The following RBM7 variants were observed in gnomAD, a reference collection of about 807,000 sequenced individuals.
RBM7 encodes RNA binding motif protein 7.
Under a neutral mutation model 31.0 loss-of-function variants are expected in RBM7, and 13 were observed. The observed-to-expected ratio is 0.42, with a 90% CI of 0.27 to 0.67. RBM7 has a LOEUF of 0.67. RBM7 is among the 30% of genes least tolerant of loss of function. The probability of loss-of-function intolerance (pLI) is 0.24; values close to 1 mark genes in which losing one functional copy is unlikely to be tolerated. For missense variants in RBM7, 245 were observed against 326.2 expected (o/e 0.75, Z 1.92); for synonymous variants, 106 against 111.2 (o/e 0.95, Z 0.30).
At chr11:114,406,676 G>A (rs1489160115) in intron 4 of RBM7, 1 of 152,112 alleles carries the variant, frequency 6.6e-6, no homozygotes, top group Non-Finnish European at 1.5e-5. Context: ...CCAATTATTA[G>A]GGATTCTTAT....
At position 114,407,759 on chromosome 11, in the gene RBM7, C is replaced by T. The variant is rs1488756634; in HGVS notation, c.756C>T (p.Asn252=). Residue 252 remains asparagine, a synonymous_variant, in exon 5 of 5, where the codon AAC becomes AAT. Transcript: ENST00000375490. The stretch of plus-strand genomic sequence containing the variant: ...ATGACTGGAGCCATGACTATGATAA[C>T]AGAAGAGACAGTAGTAGAGATGGAA... ...NHDDWSHDYD[N]RRDSSRDGKW... 2 of 1,613,100 alleles carry T rather than the reference C, an allele frequency of 1.2e-6. No individual in the cohort carries two copies. The highest frequency in any genetic ancestry group is 1.7e-6 in the Non-Finnish European group (2 of 1,179,868).
rs534679315 is a variant in RBM7 at position 114,406,122 on chromosome 11, G to C, written c.441+323G>C. 1.1e-4 allele frequency: 23 copies of C among 219,000 alleles called. No homozygotes were observed. In the South Asian group the frequency reaches 1.6e-3, roughly 15 times the overall value. 13.6% of individuals were successfully genotyped at this position (219,000 alleles called of 1,614,324 possible). Reference sequence around the variant, plus strand: ...CATTTACTCATTGTCTGATGCTCCTGTACCCTATCCTGAGTGACTTATCAT... The same window carrying C: ...CATTTACTCATTGTCTGATGCTCCTCTACCCTATCCTGAGTGACTTATCAT... On this transcript the variant is annotated intron_variant, in intron 4 of 4. Coordinates refer to ENST00000375490, the MANE Select transcript of RBM7 (RefSeq NM_001286045.2).
rs71063570 is a variant in RBM7, at chr11:114,402,382, CTTTTTTTTTTTTTTTTTTTTTT to C, written c.260-428_260-407del. Reference sequence around the variant, plus strand: ...AAGCGGTCTACAGCAGCTTGAGATTCTTTTTTTTTTTTTTTTTTTTTTTTTTTTTTTTTTTTTTTGAGATGGA... The same window carrying C: ...AAGCGGTCTACAGCAGCTTGAGATTCTTTTTTTTTTTTTTTTTGAGATGGA... On this transcript the variant is annotated intron_variant, in intron 2 of 4. Coordinates refer to ENST00000375490, the MANE Select transcript of RBM7 (RefSeq NM_001286045.2). 6.4e-4 allele frequency among the ~76,000 whole-genome samples: 32 copies of C among 50,162 alleles called. No homozygotes were observed. The South Asian group carries it at 0.016, about 24-fold the overall frequency. 32.9% of individuals were successfully genotyped at this position (50,162 alleles called of 152,430 possible).
chr11:114,401,881 G>C (rs758242329), intron 2 of RBM7, 21 bp downstream of exon 2: 47 of 1,552,656 alleles, frequency 3.0e-5, no homozygotes, highest in Middle Eastern at 3.4e-4. Context: ...AATGAGGTTC[G>C]GGGGGCATTG....
rs1433458145 is a variant in RBM7 at position 114,408,889 on chromosome 11, T to C, written c.*1082T>C. On this transcript the variant is annotated 3_prime_UTR_variant, in exon 5 of 5. Transcript: ENST00000375490. ...CCACAGCATTTGTACTGTTCCTTTTTAATATACTGAAAATATAAAAGGAAG... is the reference window on the plus strand; with the variant it reads ...CCACAGCATTTGTACTGTTCCTTTTCAATATACTGAAAATATAAAAGGAAG... 6.6e-6 allele frequency: 1 copy of C among 152,202 alleles called. No homozygotes were observed. Among genetic ancestry groups the C allele is most frequent in the Non-Finnish European group, 1.5e-5 (1 of 68,008 alleles). The allele number at this position is 152,202 out of a possible 1,614,324, so 9.4% of individuals were successfully genotyped here.
intron 3 of RBM7, among the ~76,000 whole-genome samples, chr11:114,404,521 A>G (rs1299921027): frequency 6.6e-6 from 1 of 152,216 alleles, no homozygotes; most frequent in Non-Finnish European, 1.5e-5. Context: ...AGGAAAATAA[A>G]AAGTTTTCCC....
chr11:114,402,684 C>T (rs1007149330), intron 2 of RBM7, 144 bp from the exon 3 acceptor site: 6 of 673,608 alleles, frequency 8.9e-6, no homozygotes, highest in African/African-American at 5.4e-5. Context: ...GGATTACAGG[C>T]GTCAGCCACC....
chr11:114,407,519 A>C lies in RBM7; in HGVS notation c.516A>C (p.Ser172=), dbSNP rs751909493. 1.2e-6 allele frequency: 2 copies of C among 1,614,196 alleles called. No individual in the cohort carries two copies. The highest frequency in any genetic ancestry group is 2.2e-5 in the South Asian group (2 of 91,086). The change falls in exon 5 of 5, where the codon TCA becomes TCC. Residue 172 remains serine (S), a synonymous_variant. Coordinates refer to ENST00000375490, the MANE Select transcript of RBM7 (RefSeq NM_001286045.2). ...CACCTCTGGATCAATCAGGATTTTC[A>C]CCATCAGTTCAATCACACAGTCATA... The part of the protein sequence containing the change: ...GSSPLDQSGF[S]PSVQSHSHSF...
chr11:114,405,405 T>C (rs944187740), intron 3 of RBM7, among the ~76,000 whole-genome samples: 1 of 152,208 alleles, frequency 6.6e-6, no homozygotes, highest in African/African-American at 2.4e-5. Flanking sequence ...TTTTTGCCTC[T>C]AGGTAACCTT....
chr11:114,402,574 T>C (rs1365324782), intron 2 of RBM7, among the ~76,000 whole-genome samples: 1 of 151,548 alleles, frequency 6.6e-6, no homozygotes, highest in Non-Finnish European at 1.5e-5. Context: ...TGGCTAATTC[T>C]TTGTATTTTT....
At position 114,409,437 on chromosome 11, in the gene RBM7, C is replaced by T. The variant is rs932288966; in HGVS notation, c.*1630C>T. On this transcript the variant is annotated 3_prime_UTR_variant, in exon 5 of 5. Coordinates refer to ENST00000375490, the MANE Select transcript of RBM7 (RefSeq NM_001286045.2). ...AGGCTAGAGTGCAATGGCGGGATCTCAGGTCACTGCAACCTCCATATCCCG... is the reference window on the plus strand; with the variant it reads ...AGGCTAGAGTGCAATGGCGGGATCTTAGGTCACTGCAACCTCCATATCCCG... The T allele has an allele frequency of 2.6e-5, 4 of 151,920 alleles. No individual in the cohort carries two copies. Among genetic ancestry groups the T allele is most frequent in the Admixed American group, 1.3e-4 (2 of 15,254 alleles). 9.4% of individuals were successfully genotyped at this position (151,920 alleles called of 1,614,324 possible). A position where few individuals can be genotyped will look rare whatever the true frequency, so the allele number is the denominator to read the frequency against.
chr11:114,402,775 A>G, intron 2 of RBM7, 53 bp from the exon 3 acceptor site: 1 of 1,474,066 alleles, frequency 6.8e-7, no homozygotes, highest in South Asian at 1.1e-5. Context: ...GGAAGACAAA[A>G]TTTCAAATTA....
At chr11:114,405,937 G>A (rs1209475499) in intron 4 of RBM7, 138 bp downstream of exon 4, 4 of 565,552 alleles carry the variant, frequency 7.1e-6, no homozygotes, top group African/African-American at 2.0e-5. Context: ...CAAGGCGTAA[G>A]TGAACTTTTT....
intron 1 of RBM7, among the ~76,000 whole-genome samples, chr11:114,401,068 C>G (rs975085345): frequency 6.6e-6 from 1 of 152,118 alleles, no homozygotes; most frequent in African/African-American, 2.4e-5. Flanking sequence ...TTGAGCAGTG[C>G]TTTTTCTTAT....
At chr11:114,407,381 G>A in intron 4 of RBM7, 64 bp from the exon 5 acceptor site, 1 of 1,514,214 alleles carries the variant, frequency 6.6e-7, no homozygotes, top group East Asian at 2.3e-5. Flanking sequence ...TCTGTTAACT[G>A]ACCAAATACA....
Position 114,407,553 on chromosome 11 carries a change from C to A in RBM7, c.550C>A (p.Gln184Lys). The change falls in exon 5 of 5, where the codon CAG becomes AAG. Residue 184 changes from glutamine (Q) to lysine (K), a missense_variant. By Grantham distance (53) the Gln-to-Lys change is moderately conservative. Transcript: ENST00000375490. ...TCAATCACACAGTCATAGTTTCAATCAGTCTTCAAGCTCCCAGTGGCGCCA... is the reference window on the plus strand; with the variant it reads ...TCAATCACACAGTCATAGTTTCAATAAGTCTTCAAGCTCCCAGTGGCGCCA... The part of the protein sequence containing the change: ...SVQSHSHSFN[Q>K]SSSSQWRQGT... 6.2e-7 allele frequency: 1 copy of A among 1,614,190 alleles called. No individual in the cohort carries two copies. Among genetic ancestry groups the A allele is most frequent in the Non-Finnish European group, 8.5e-7 (1 of 1,180,036 alleles).
chr11:114,402,148 T>C (rs1565259977), intron 2 of RBM7: 1 of 262,642 alleles, frequency 3.8e-6, no homozygotes, highest in Non-Finnish European at 7.1e-6. Flanking sequence ...GAGCTAGGTT[T>C]ATTTTCTGAA....
intron 3 of RBM7, among the ~76,000 whole-genome samples, chr11:114,404,836 A>T (rs1405509935): frequency 6.6e-6 from 1 of 152,246 alleles, no homozygotes; most frequent in Non-Finnish European, 1.5e-5. Flanking sequence ...TAAAAGATCC[A>T]AAGTGTAAGA....
Sources: allele counts gnomAD v4.1 joint callset (sites outside exome capture counted in the v4.1 genomes callset), GRCh38; gene constraint gnomAD v4.1.1; transcripts MANE v1.5; gene names NCBI Gene and HGNC (gene_info 2026-07-23, HGNC 2026-07-21).